The following ROBO2 variants were observed in gnomAD, a reference collection of about 807,000 sequenced individuals.
ROBO2 encodes the protein roundabout homolog 2.
A neutral mutation model predicts 160.8 loss-of-function variants in ROBO2; 53 were observed. The observed-to-expected ratio is 0.33, with a 90% confidence interval of 0.26 to 0.41. The LOEUF is 0.41. ROBO2 is among the 10% of genes least tolerant of loss of function. The pLI, the probability that ROBO2 is intolerant of heterozygous loss-of-function variation, is 1.00. For synonymous variants in ROBO2, 664 were observed against 611.7 expected, an observed-to-expected ratio of 1.09 and a Z score of -1.26; for missense variants, 1,577 against 1,722.4, an observed-to-expected ratio of 0.92 and a Z score of 1.49.
intron 2 of ROBO2, chr3:76,434,444 C>G: frequency 3.9e-6 from 6 of 1,554,324 alleles, no homozygotes; most frequent in Non-Finnish European, 4.4e-6. Context: ...GGCCCCCAAG[C>G]CTGGCACTTA....
chr3:77,239,502 A>C (rs985532904), intron 2 of ROBO2, among the ~76,000 whole-genome samples: 1 of 152,182 alleles, frequency 6.6e-6, no homozygotes, highest in Non-Finnish European at 1.5e-5. Context: ...CACTGTGGAA[A>C]GGGACCCCAG....
intron 2 of ROBO2, among the ~76,000 whole-genome samples, chr3:76,084,059 T>A (rs780994109): frequency 1.3e-5 from 2 of 152,150 alleles, no homozygotes; most frequent in Non-Finnish European, 2.9e-5. Flanking sequence ...ACCAATGATA[T>A]GTAGGAATTA....
intron 2 of ROBO2, among the ~76,000 whole-genome samples, chr3:75,964,121 C>A (rs547448196): frequency 6.6e-6 from 1 of 151,750 alleles, no homozygotes; most frequent in African/African-American, 2.4e-5. Context: ...TAATAGGAAG[C>A]AATTTTTTTC....
At chr3:76,536,597 G>A (rs2082517791) in intron 2 of ROBO2, among the ~76,000 whole-genome samples, 1 of 151,992 alleles carries the variant, frequency 6.6e-6, no homozygotes, top group South Asian at 2.1e-4. Context: ...TATACCTTGG[G>A]AGCCTGTCTG....
intron 6 of ROBO2, among the ~76,000 whole-genome samples, chr3:77,539,166 C>T (rs1305348672): frequency 1.3e-5 from 2 of 152,138 alleles, no homozygotes; most frequent in East Asian, 1.9e-4. Flanking sequence ...ACAATCCACC[C>T]GCCTCGGCCT....
At chr3:77,394,595 C>T (rs2075085295) in intron 2 of ROBO2, among the ~76,000 whole-genome samples, 1 of 152,140 alleles carries the variant, frequency 6.6e-6, no homozygotes, top group African/African-American at 2.4e-5. Flanking sequence ...TTTGAGAATG[C>T]AAAGAATAAA....
At chr3:76,849,941 C>T (rs985851440) in intron 2 of ROBO2, among the ~76,000 whole-genome samples, 4 of 152,162 alleles carry the variant, frequency 2.6e-5, no homozygotes, top group African/African-American at 4.8e-5. Flanking sequence ...AATCCCAGCA[C>T]TTTGGGAGGC....
chr3:77,385,988 G>C (rs2074059503), intron 2 of ROBO2, among the ~76,000 whole-genome samples: 1 of 152,266 alleles, frequency 6.6e-6, no homozygotes, highest in Non-Finnish European at 1.5e-5. Flanking sequence ...ATATTGTCAT[G>C]TAAGTCAATT....
At chr3:77,460,319 T>C (rs1033596673) in intron 2 of ROBO2, among the ~76,000 whole-genome samples, 1 of 152,130 alleles carries the variant, frequency 6.6e-6, no homozygotes, top group Non-Finnish European at 1.5e-5. Flanking sequence ...TAAAGACTTG[T>C]ATGGCGAAAA....
intron 2 of ROBO2, among the ~76,000 whole-genome samples, chr3:77,467,347 A>C (rs2082867466): frequency 6.6e-6 from 1 of 152,158 alleles, no homozygotes; most frequent in South Asian, 2.1e-4. Flanking sequence ...ATGAGGAAGG[A>C]ATGCAGAGAG....
chr3:76,548,256 G>A (rs1031203491), intron 2 of ROBO2, among the ~76,000 whole-genome samples: 1 of 152,152 alleles, frequency 6.6e-6, no homozygotes, highest in Admixed American at 6.5e-5. Context: ...AGCTTACTAT[G>A]GGTCTGGCAT....
At chr3:77,403,693 T>G (rs1264768726) in intron 2 of ROBO2, among the ~76,000 whole-genome samples, 1 of 151,774 alleles carries the variant, frequency 6.6e-6, no homozygotes, top group Non-Finnish European at 1.5e-5. Context: ...AATGCTGCAA[T>G]GAACATTAGA....
At chr3:76,713,687 G>C (rs995090724) in intron 2 of ROBO2, among the ~76,000 whole-genome samples, 5 of 152,064 alleles carry the variant, frequency 3.3e-5, no homozygotes, top group Non-Finnish European at 7.4e-5. Flanking sequence ...TTACCTCTTT[G>C]CTTTACATGT....
chr3:76,840,643 TTTTA>T (rs1322366966), intron 2 of ROBO2, among the ~76,000 whole-genome samples: 16 of 52,874 alleles, frequency 3.0e-4, no homozygotes, highest in Admixed American at 1.4e-3. Flanking sequence ...ATTAATTATA[TTTTA>T]TATATATATA....
intron 2 of ROBO2, among the ~76,000 whole-genome samples, chr3:76,770,302 CCTT>C (rs1253449623): frequency 2.6e-5 from 4 of 151,276 alleles, no homozygotes. Flanking sequence ...TCTCCTCTCT[CCTT>C]TTTTCATCAT....
chr3:76,855,147 A>G (rs1232435745), intron 2 of ROBO2, among the ~76,000 whole-genome samples: 1 of 152,228 alleles, frequency 6.6e-6, no homozygotes, highest in East Asian at 1.9e-4. Flanking sequence ...GCCTAAGCAA[A>G]CATTTTATAT....
rs11916551 is a variant in ROBO2 at position 76,848,182 on chromosome 3, A to T, written c.110-249832A>T. Among the ~76,000 whole-genome samples the T allele has an allele frequency of 8.4e-3, 1,284 of 152,208 alleles. 13 individuals are homozygous for T. The highest frequency in any genetic ancestry group is 0.03 in the African/African-American group (1,246 of 41,512). On this transcript the variant is annotated intron_variant, in intron 2 of 26. Transcript: ENST00000487694. ...GTTCCAGAAACAATTGAGTCACCTAATTTTGGTATATTGCATAGGTGAAGT... is the reference window on the plus strand; with the variant it reads ...GTTCCAGAAACAATTGAGTCACCTATTTTTGGTATATTGCATAGGTGAAGT...
chr3:76,870,111 C>A (rs1559628240), intron 2 of ROBO2, among the ~76,000 whole-genome samples: 1 of 152,150 alleles, frequency 6.6e-6, no homozygotes, highest in Non-Finnish European at 1.5e-5. Context: ...CATCCCTAAG[C>A]AGTATGGATT....
chr3:76,891,514 C>A (rs140551024), intron 2 of ROBO2, among the ~76,000 whole-genome samples: 2 of 151,964 alleles, frequency 1.3e-5, no homozygotes, highest in Admixed American at 1.3e-4. Flanking sequence ...CATTGAAATT[C>A]GAGTATAATG....
Sources: allele counts gnomAD v4.1 joint callset (sites outside exome capture counted in the v4.1 genomes callset), GRCh38; gene constraint gnomAD v4.1.1; transcripts MANE v1.5; gene names NCBI Gene and HGNC (gene_info 2026-07-23, HGNC 2026-07-21).